The following PIBF1 variants were observed in gnomAD, a reference collection of about 807,000 sequenced individuals.
The protein encoded by PIBF1 is progesterone-induced-blocking factor 1.
Under a neutral mutation model 112.5 loss-of-function variants are expected in PIBF1, and 90 were observed. The observed-to-expected ratio is 0.80, with a 90% confidence interval of 0.67 to 0.95. The LOEUF (loss-of-function observed/expected upper bound fraction) is 0.95, where lower values mean the gene tolerates loss of function less well. PIBF1 is among the 40% of genes least tolerant of loss of function. The pLI, the probability that PIBF1 is intolerant of heterozygous loss-of-function variation, is 0.00. For missense variants in PIBF1, 915 were observed against 852.3 expected (o/e 1.07, Z -0.92); for synonymous variants, 301 against 288.6 (o/e 1.04, Z -0.44).
chr13:72,875,702 A>G (rs1487774375), intron 10 of PIBF1, among the ~76,000 whole-genome samples: 1 of 152,136 alleles, frequency 6.6e-6, no homozygotes, highest in Admixed American at 6.5e-5. Context: ...GATGCAGAGC[A>G]TCTTTTCACG....
Position 72,967,949 on chromosome 13 carries a change from G to T in PIBF1, c.1964+2545G>T, listed in dbSNP as rs140163233. ...GTCTGTAATCCCAGCACTTTGGGAGGCCGAGGCGGGCGGATCACGAGGTCA... is the reference window on the plus strand; with the variant it reads ...GTCTGTAATCCCAGCACTTTGGGAGTCCGAGGCGGGCGGATCACGAGGTCA... On this transcript the variant is annotated intron_variant, in intron 15 of 17. Transcript: ENST00000326291. Among the ~76,000 whole-genome samples the T allele has an allele frequency of 5.8e-3, 881 of 152,184 alleles. 22 individuals carry two copies. Among genetic ancestry groups the T allele is most frequent in the Admixed American group, 0.04 (614 of 15,294 alleles).
chr13:72,928,427 G>C (rs560354641), intron 13 of PIBF1, among the ~76,000 whole-genome samples: 5 of 152,068 alleles, frequency 3.3e-5, no homozygotes, highest in Non-Finnish European at 5.9e-5. Context: ...TAAGGCTTAA[G>C]CACTAGCATA....
intron 5 of PIBF1, among the ~76,000 whole-genome samples, chr13:72,821,211 G>A (rs1388943542): frequency 6.6e-6 from 1 of 152,150 alleles, no homozygotes; most frequent in African/African-American, 2.4e-5. Flanking sequence ...CTTGTAGGAA[G>A]CAGCACCAGA....
chr13:72,957,747 T>C (rs983917081), intron 14 of PIBF1, among the ~76,000 whole-genome samples: 1 of 151,958 alleles, frequency 6.6e-6, no homozygotes, highest in Non-Finnish European at 1.5e-5. Context: ...AAGAGCAGCC[T>C]GGGCAATATA....
Position 72,950,068 on chromosome 13 carries a change from C to T in PIBF1, c.1834-15206C>T, listed in dbSNP as rs78848073. Among the ~76,000 whole-genome samples, 107 of 152,280 alleles carry T rather than the reference C, an allele frequency of 7.0e-4. No individual in the cohort carries two copies. The East Asian group carries it at 0.017, about 24-fold the overall frequency. On this transcript the variant is annotated intron_variant, in intron 14 of 17. Transcript: ENST00000326291. ...TCTATATCATTTTGAATTAATACTGCGTACTGCTGAAATAATTGTTATGTA... is the reference window on the plus strand; with the variant it reads ...TCTATATCATTTTGAATTAATACTGTGTACTGCTGAAATAATTGTTATGTA...
chr13:72,912,942 A>AGTATGATTATACT (rs1294041540), intron 12 of PIBF1, among the ~76,000 whole-genome samples: 1 of 151,590 alleles, frequency 6.6e-6, no homozygotes, highest in African/African-American at 2.4e-5. Flanking sequence ...TATAGTATAT[A>AGTATGATTATACT]GTATGATTAT....
chr13:72,895,985 A>G (rs779954964), intron 11 of PIBF1, among the ~76,000 whole-genome samples: 2 of 152,112 alleles, frequency 1.3e-5, no homozygotes, highest in African/African-American at 2.4e-5. Flanking sequence ...GAACTGGGTG[A>G]GGCCTGTGAC....
At chr13:72,793,111 T>C (rs1023332140) in intron 3 of PIBF1, among the ~76,000 whole-genome samples, 17 of 152,200 alleles carry the variant, frequency 1.1e-4, no homozygotes, top group Admixed American at 7.2e-4. Flanking sequence ...GATACCTTCA[T>C]TGGTTTCTTC....
chr13:72,989,452 T>C (rs1232175165), intron 16 of PIBF1, among the ~76,000 whole-genome samples: 2 of 152,130 alleles, frequency 1.3e-5, no homozygotes, highest in East Asian at 3.9e-4. Flanking sequence ...TTAAAAACAT[T>C]ATACTAAGTG....
chr13:72,989,589 G>A (rs985560815), intron 16 of PIBF1, among the ~76,000 whole-genome samples: 2 of 152,178 alleles, frequency 1.3e-5, no homozygotes, highest in South Asian at 2.1e-4. Flanking sequence ...AGTGATGGGG[G>A]CATGGCAGGA....
chr13:72,868,041 T>G (rs570993821), intron 10 of PIBF1, among the ~76,000 whole-genome samples: 4 of 152,284 alleles, frequency 2.6e-5, no homozygotes, highest in African/African-American at 9.6e-5. Flanking sequence ...GGTTCACACC[T>G]GTAATCCCAA....
chr13:72,972,572 A>G (rs917675339), intron 15 of PIBF1, among the ~76,000 whole-genome samples: 26 of 152,242 alleles, frequency 1.7e-4, no homozygotes, highest in African/African-American at 5.3e-4. Flanking sequence ...GCTGAGGCAG[A>G]AAAATGAGTT....
rs755585232 is a variant in PIBF1 at position 72,908,711 on chromosome 13, A to C, written c.1639+30A>C. The C allele has an allele frequency of 2.6e-5, 41 of 1,569,842 alleles. 1 individual carries two copies. The South Asian group carries it at 3.8e-4, about 15-fold the overall frequency. ...GTCTTCCCCCACACACACATGCACA[A>C]CTTTTTTTTTTCTGGCAACAAAAGA... On this transcript the variant is annotated intron_variant, in intron 12 of 17. Transcript: ENST00000326291.
intron 14 of PIBF1, among the ~76,000 whole-genome samples, chr13:72,955,894 C>T (rs1008530311): frequency 4.6e-5 from 7 of 152,124 alleles, no homozygotes; most frequent in Non-Finnish European, 8.8e-5. Flanking sequence ...CCTGCCTATC[C>T]TTGGACTTTG....
chr13:72,958,662 G>A (rs1257308927), intron 14 of PIBF1, among the ~76,000 whole-genome samples: 1 of 152,198 alleles, frequency 6.6e-6, no homozygotes, highest in Non-Finnish European at 1.5e-5. Flanking sequence ...CAGCGACAAA[G>A]AGGTCATACC....
At chr13:72,799,961 G>C (rs1593913858) in intron 5 of PIBF1, among the ~76,000 whole-genome samples, 1 of 152,246 alleles carries the variant, frequency 6.6e-6, no homozygotes, top group East Asian at 1.9e-4. Context: ...TCAAGGACCT[G>C]GTACAGGTCA....
chr13:72,980,983 G>A (rs956690063), intron 16 of PIBF1, among the ~76,000 whole-genome samples: 3 of 151,918 alleles, frequency 2.0e-5, no homozygotes, highest in Non-Finnish European at 4.4e-5. Context: ...GGTGGCTCAC[G>A]CTTGTAATTC....
chr13:72,974,881 T>G (rs1261517910), intron 16 of PIBF1, among the ~76,000 whole-genome samples: 1 of 152,172 alleles, frequency 6.6e-6, no homozygotes, highest in East Asian at 1.9e-4. Context: ...TGTCAAAATT[T>G]TCCAAAGTTA....
intron 11 of PIBF1, among the ~76,000 whole-genome samples, chr13:72,904,041 C>T (rs1445615117): frequency 1.3e-5 from 2 of 151,428 alleles, no homozygotes; most frequent in East Asian, 1.9e-4. Context: ...TGGGAAATGA[C>T]GGGAAAATGG....
Sources: gnomAD v4.1 joint callset for allele counts (sites outside exome capture counted in the v4.1 genomes callset) on GRCh38, gnomAD v4.1.1 for gene constraint, MANE v1.5 for transcripts, NCBI Gene and HGNC (gene_info 2026-07-23, HGNC 2026-07-21) for gene names.